EYA1: variants seen among roughly 807,000 people sequenced by gnomAD.
EYA1 encodes the protein EYA transcriptional coactivator and phosphatase 1.
Under a neutral mutation model 82.0 loss-of-function variants are expected in EYA1, and 16 were observed. The ratio of observed to expected loss-of-function variants is 0.20; its 90% CI spans 0.13 to 0.30. EYA1 has a LOEUF of 0.30. Ranked by LOEUF, EYA1 falls within the 10% of genes least tolerant of loss-of-function variation. The pLI is 1.00. For synonymous variants in EYA1, 261 were observed against 264.4 expected (o/e 0.99, Z 0.12); for missense variants, 633 against 730.7 (o/e 0.87, Z 1.54).
At chr8:71,334,647 C>A (rs1249942628) in intron 3 of EYA1, among the ~76,000 whole-genome samples, 1 of 152,158 alleles carries the variant, frequency 6.6e-6, no homozygotes, top group African/African-American at 2.4e-5. Flanking sequence ...ACCACACACA[C>A]ACACACCTTC....
intron 2 of EYA1, among the ~76,000 whole-genome samples, chr8:71,520,642 G>A (rs1401753217): frequency 2.0e-5 from 3 of 152,078 alleles, no homozygotes; most frequent in African/African-American, 4.8e-5. Context: ...AGAAAGAGAT[G>A]AAGAACACTT....
At chr8:71,467,975 C>T (rs1224832889) in intron 2 of EYA1, among the ~76,000 whole-genome samples, 2 of 152,032 alleles carry the variant, frequency 1.3e-5, no homozygotes, top group Non-Finnish European at 2.9e-5. Flanking sequence ...GTCTGTAATC[C>T]TGACTTGGAT....
chr8:71,334,104 T>C lies in EYA1; in HGVS notation c.195A>G (p.Ser65=), dbSNP rs1285061629. 5.0e-6 allele frequency: 8 copies of C among 1,611,942 alleles called. No individual in the cohort carries two copies. In the South Asian group the frequency reaches 6.6e-5, roughly 13 times the overall value. ...TTADGSLNNF[S]GSAIGSSSFS... is the part of the protein sequence containing the mutation. ...CTAATATTTATTCCTTACCTGAACCTGAGAAATTGTTTAAAGACCCGTCGG... is the reference window on the plus strand; with the variant it reads ...CTAATATTTATTCCTTACCTGAACCCGAGAAATTGTTTAAAGACCCGTCGG... The change falls in exon 4 of 18, where the codon TCA becomes TCG. Residue 65 remains serine (S), a synonymous_variant. Coordinates refer to ENST00000340726, the MANE Select transcript of EYA1 (RefSeq NM_000503.6).
intron 7 of EYA1, among the ~76,000 whole-genome samples, chr8:71,305,589 T>G (rs527800019): frequency 6.6e-6 from 1 of 152,058 alleles, no homozygotes; most frequent in South Asian, 2.1e-4. Context: ...GAAGTTTCAG[T>G]GAGCCGAGAT....
intron 12 of EYA1, among the ~76,000 whole-genome samples, chr8:71,221,011 T>G (rs1264251366): frequency 6.6e-6 from 1 of 152,204 alleles, no homozygotes; most frequent in Non-Finnish European, 1.5e-5. Context: ...CACGTGATAA[T>G]TAAAATCATG....
intron 2 of EYA1, among the ~76,000 whole-genome samples, chr8:71,523,500 G>A (rs971106619): frequency 6.6e-6 from 1 of 152,092 alleles, no homozygotes; most frequent in Non-Finnish European, 1.5e-5. Flanking sequence ...AGCTCTTATT[G>A]GCAGTGAAGG....
At chr8:71,425,769 T>C (rs992866928) in intron 2 of EYA1, among the ~76,000 whole-genome samples, 2 of 152,194 alleles carry the variant, frequency 1.3e-5, no homozygotes, top group Non-Finnish European at 2.9e-5. Flanking sequence ...CCCAGTATTC[T>C]ACCCATAAAC....
At chr8:71,267,770 G>C (rs545381256) in intron 11 of EYA1, among the ~76,000 whole-genome samples, 23 of 152,086 alleles carry the variant, frequency 1.5e-4, no homozygotes, top group Middle Eastern at 3.4e-3. Context: ...GGATGGTCTC[G>C]ATCTCCTGAC....
chr8:71,376,828 C>A (rs1828400748), intron 2 of EYA1, among the ~76,000 whole-genome samples: 1 of 152,110 alleles, frequency 6.6e-6, no homozygotes, highest in Non-Finnish European at 1.5e-5. Context: ...ACATTAACTG[C>A]AAGTTAACTA....
chr8:71,244,226 A>T (rs539323600), intron 12 of EYA1, among the ~76,000 whole-genome samples: 93 of 152,346 alleles, frequency 6.1e-4, no homozygotes, highest in Admixed American at 2.2e-3. Flanking sequence ...CTAATACAGT[A>T]AGAGTCTGAC....
intron 12 of EYA1, among the ~76,000 whole-genome samples, chr8:71,232,658 A>C (rs1010216630): frequency 6.6e-6 from 1 of 151,820 alleles, no homozygotes; most frequent in African/African-American, 2.4e-5. Flanking sequence ...TTTGCCACTG[A>C]CAGATGTTTT....
intron 2 of EYA1, among the ~76,000 whole-genome samples, chr8:71,414,254 G>A (rs982067562): frequency 1.3e-5 from 2 of 152,184 alleles, no homozygotes; most frequent in African/African-American, 4.8e-5. Flanking sequence ...CAGCTGAGAA[G>A]CCCCTTACAG....
At chr8:71,384,987 T>G (rs1314252111) in intron 2 of EYA1, among the ~76,000 whole-genome samples, 3 of 152,100 alleles carry the variant, frequency 2.0e-5, no homozygotes, top group African/African-American at 7.2e-5. Context: ...ATTTCAAATA[T>G]TAAAATATAA....
intron 2 of EYA1, among the ~76,000 whole-genome samples, chr8:71,460,308 AC>A (rs1808267802): frequency 6.6e-6 from 1 of 152,166 alleles, no homozygotes; most frequent in Non-Finnish European, 1.5e-5. Flanking sequence ...AGCAACTTAC[AC>A]TTCTAGGGAA....
chr8:71,406,055 G>A (rs1265008953), intron 2 of EYA1, among the ~76,000 whole-genome samples: 1 of 152,098 alleles, frequency 6.6e-6, no homozygotes, highest in Non-Finnish European at 1.5e-5. Flanking sequence ...ACAACCAGTG[G>A]CATATTCATA....
At chr8:71,471,661 A>T (rs1809220679) in intron 2 of EYA1, among the ~76,000 whole-genome samples, 2 of 152,092 alleles carry the variant, frequency 1.3e-5, no homozygotes. Flanking sequence ...AAATTATTTG[A>T]TTATGAGCAC....
chr8:71,271,679 T>C (rs957158058), intron 10 of EYA1, 79 bp downstream of exon 10: 1 of 1,521,066 alleles, frequency 6.6e-7, no homozygotes, highest in Non-Finnish European at 9.1e-7. Context: ...ACCACTGCTG[T>C]TTACGTAGCA....
At chr8:71,334,197 T>C in intron 3 of EYA1, 23 bp from the exon 4 acceptor site, 1 of 1,527,108 alleles carries the variant, frequency 6.5e-7, no homozygotes, top group Non-Finnish European at 9.1e-7. Flanking sequence ...ACAACATACA[T>C]CGATATTGAA....
intron 2 of EYA1, among the ~76,000 whole-genome samples, chr8:71,484,254 T>C (rs536698346): frequency 2.6e-5 from 4 of 152,308 alleles, no homozygotes; most frequent in African/African-American, 9.6e-5. Context: ...ATAGTCTGTG[T>C]AAAAGCATAA....
Sources: allele counts gnomAD v4.1 joint callset (sites outside exome capture counted in the v4.1 genomes callset), GRCh38; gene constraint gnomAD v4.1.1; transcripts MANE v1.5; gene names NCBI Gene and HGNC (gene_info 2026-07-23, HGNC 2026-07-21).